Variants in DPYD observed in about 807,000 individuals in gnomAD.
DPYD encodes dihydropyrimidine dehydrogenase.
In DPYD, 109 loss-of-function variants were observed where a neutral mutation model predicts 116.2. The observed-to-expected ratio is 0.94, with a 90% CI of 0.80 to 1.10. The LOEUF is 1.10. Among genes scored for constraint, DPYD ranks in the 50% least tolerant of loss-of-function variants. The pLI is 0.00. For missense variants in DPYD, 1,302 were observed against 1,254.5 expected, an observed-to-expected ratio of 1.04 and a Z score of -0.57; for synonymous variants, 440 against 432.0, an observed-to-expected ratio of 1.02 and a Z score of -0.23.
chr1:97,836,084 G>C (rs1444827510), intron 2 of DPYD, among the ~76,000 whole-genome samples: 1 of 152,104 alleles, frequency 6.6e-6, no homozygotes, highest in African/African-American at 2.4e-5. Context: ...GTCCTTGATG[G>C]AGTTTTTGCT....
intron 3 of DPYD, among the ~76,000 whole-genome samples, chr1:97,762,389 G>A (rs1339562560): frequency 6.6e-6 from 1 of 152,082 alleles, no homozygotes; most frequent in Non-Finnish European, 1.5e-5. Context: ...TTCAGAGGAT[G>A]CTGTAGAAAC....
chr1:97,754,108 G>A (rs1665089145), intron 3 of DPYD, among the ~76,000 whole-genome samples: 1 of 152,072 alleles, frequency 6.6e-6, no homozygotes, highest in Admixed American at 6.5e-5. Context: ...GGAAATTAAT[G>A]AATATGGGTG....
intron 3 of DPYD, among the ~76,000 whole-genome samples, chr1:97,744,430 T>A (rs1164992022): frequency 6.6e-6 from 1 of 151,908 alleles, no homozygotes; most frequent in African/African-American, 2.4e-5. Context: ...GCTGAATTAA[T>A]TTCTTTCTCA....
At chr1:97,347,598 T>C (rs181199292) in intron 16 of DPYD, among the ~76,000 whole-genome samples, 31 of 152,208 alleles carry the variant, frequency 2.0e-4, no homozygotes, top group Middle Eastern at 3.4e-3. Context: ...TAATTTCTTT[T>C]CTTACACTAA....
At chr1:97,289,913 T>C (rs988897078) in intron 18 of DPYD, among the ~76,000 whole-genome samples, 3 of 151,930 alleles carry the variant, frequency 2.0e-5, no homozygotes, top group Non-Finnish European at 2.9e-5. Flanking sequence ...TGTTTGCAGA[T>C]GACATGACTG....
At chr1:97,488,806 C>T (rs1268664802) in intron 13 of DPYD, among the ~76,000 whole-genome samples, 1 of 152,188 alleles carries the variant, frequency 6.6e-6, no homozygotes, top group Non-Finnish European at 1.5e-5. Context: ...GAGTTACCAC[C>T]CTTTTCTTGG....
chr1:97,124,407 T>A (rs986318179), intron 20 of DPYD, among the ~76,000 whole-genome samples: 1 of 152,060 alleles, frequency 6.6e-6, no homozygotes, highest in Admixed American at 6.6e-5. Flanking sequence ...CTTTAGTAAC[T>A]TTTCTGAGTA....
At chr1:97,383,288 C>T (rs1226765531) in intron 14 of DPYD, among the ~76,000 whole-genome samples, 1 of 151,746 alleles carries the variant, frequency 6.6e-6, no homozygotes, top group Non-Finnish European at 1.5e-5. Flanking sequence ...ACCAACCTGG[C>T]CAACATTGTA....
intron 1 of DPYD, among the ~76,000 whole-genome samples, chr1:97,886,015 C>T (rs1264644199): frequency 6.6e-6 from 1 of 152,004 alleles, no homozygotes; most frequent in East Asian, 1.9e-4. Flanking sequence ...TAAAAATAAA[C>T]ATATAACTGC....
At chr1:97,798,463 T>G (rs1317788043) in intron 3 of DPYD, among the ~76,000 whole-genome samples, 1 of 152,018 alleles carries the variant, frequency 6.6e-6, no homozygotes. Flanking sequence ...GGCAAATATC[T>G]TCACCTCAAT....
chr1:97,443,588 C>T (rs1185841408), intron 14 of DPYD, among the ~76,000 whole-genome samples: 3 of 152,302 alleles, frequency 2.0e-5, no homozygotes, highest in African/African-American at 7.2e-5. Flanking sequence ...AGTACAGAGA[C>T]TTACATTTCT....
rs143873923 is a variant in DPYD at position 97,831,882 on chromosome 1, G to A, written c.151-3686C>T. 9.4e-3 allele frequency among the ~76,000 whole-genome samples: 1,437 copies of A among 152,156 alleles called. 26 individuals are homozygous for A. The highest frequency in any genetic ancestry group is 0.033 in the African/African-American group (1,387 of 41,514). On this transcript the variant is annotated intron_variant, in intron 2 of 22. Transcript: ENST00000370192. The stretch of plus-strand genomic sequence containing the variant: ...TGGAGCAAGAAAGTGGGAATACACA[G>A]GAAAAATGGAAGGTCACAAAGGTAC...
At chr1:97,362,683 A>T (rs928047701) in intron 16 of DPYD, among the ~76,000 whole-genome samples, 2 of 152,170 alleles carry the variant, frequency 1.3e-5, no homozygotes, top group African/African-American at 4.8e-5. Flanking sequence ...GACAAACCTG[A>T]CGAAAACAAG....
At chr1:97,542,828 G>A (rs2102061057) in intron 12 of DPYD, among the ~76,000 whole-genome samples, 1 of 152,294 alleles carries the variant, frequency 6.6e-6, no homozygotes, top group Non-Finnish European at 1.5e-5. Context: ...ATTGATGGAT[G>A]TATGTGGATG....
At chr1:97,533,443 A>G (rs1570915461) in intron 12 of DPYD, among the ~76,000 whole-genome samples, 1 of 152,172 alleles carries the variant, frequency 6.6e-6, no homozygotes, top group African/African-American at 2.4e-5. Context: ...AAAAGTGTCA[A>G]TCAAAAAGGT....
intron 3 of DPYD, among the ~76,000 whole-genome samples, chr1:97,762,388 T>C (rs1048992170): frequency 6.6e-6 from 1 of 152,114 alleles, no homozygotes; most frequent in African/African-American, 2.4e-5. Flanking sequence ...ATTCAGAGGA[T>C]GCTGTAGAAA....
At chr1:97,709,166 C>T (rs948615874) in intron 5 of DPYD, among the ~76,000 whole-genome samples, 1 of 151,688 alleles carries the variant, frequency 6.6e-6, no homozygotes, top group African/African-American at 2.4e-5. Flanking sequence ...AAGGTGTTCC[C>T]TTCCCTACAA....
At position 97,298,281 on chromosome 1, in the gene DPYD, T is replaced by G. The variant is rs1479332910; in HGVS notation, c.2299+6978A>C. Among the ~76,000 whole-genome samples the G allele has an allele frequency of 3.3e-5, 5 of 152,042 alleles. No individual in the cohort carries two copies. In the East Asian group the frequency reaches 9.7e-4, roughly 29 times the overall value. On this transcript the variant is annotated intron_variant, in intron 18 of 22. Coordinates refer to ENST00000370192, the MANE Select transcript of DPYD (RefSeq NM_000110.4). ...TGTTAGCAGTGTACATTCTGATACA[T>G]AAGGCCCTCCAAGCCTTATGTATCA...
chr1:97,784,588 C>T (rs1278441916), intron 3 of DPYD, among the ~76,000 whole-genome samples: 1 of 152,114 alleles, frequency 6.6e-6, no homozygotes. Flanking sequence ...AAAAGAAATC[C>T]AGTTTATATT....
Sources: gnomAD v4.1 joint callset for allele counts (sites outside exome capture counted in the v4.1 genomes callset) on GRCh38, gnomAD v4.1.1 for gene constraint, MANE v1.5 for transcripts, NCBI Gene and HGNC (gene_info 2026-07-23, HGNC 2026-07-21) for gene names.